The following KCNU1 variants were observed in gnomAD, a reference collection of about 807,000 sequenced individuals.
KCNU1 encodes potassium channel subfamily U member 1.
Under a neutral mutation model 126.8 loss-of-function variants are expected in KCNU1, and 93 were observed. The observed-to-expected ratio is 0.73, with a 90% CI of 0.62 to 0.87. The LOEUF (loss-of-function observed/expected upper bound fraction) is 0.87, where lower values mean the gene tolerates loss of function less well. Among genes scored for constraint, KCNU1 ranks in the 40% least tolerant of loss-of-function variants. KCNU1 has a pLI of 0.00. For missense variants in KCNU1, 1,330 were observed against 1,367.1 expected (o/e 0.97, Z 0.43); for synonymous variants, 523 against 494.2 (o/e 1.06, Z -0.77).
chr8:36,811,753 G>A (rs555405753), intron 7 of KCNU1, among the ~76,000 whole-genome samples: 12 of 152,056 alleles, frequency 7.9e-5, no homozygotes, highest in East Asian at 1.9e-4. Flanking sequence ...CCAACATGGC[G>A]AAACCTCATC....
intron 16 of KCNU1, among the ~76,000 whole-genome samples, chr8:36,844,230 A>T (rs1319929064): frequency 6.6e-6 from 1 of 152,102 alleles, no homozygotes; most frequent in Non-Finnish European, 1.5e-5. Context: ...AATACAAAAA[A>T]TTAGCTATGC....
At chr8:36,833,528 T>G in intron 10 of KCNU1, 26 bp from the exon 11 acceptor site, 2 of 1,399,080 alleles carry the variant, frequency 1.4e-6, no homozygotes. Context: ...TTTTCCCTCA[T>G]TGCTGCCACG....
chr8:36,809,059 T>C (rs1223466781), intron 7 of KCNU1, among the ~76,000 whole-genome samples: 1 of 152,040 alleles, frequency 6.6e-6, no homozygotes, highest in Non-Finnish European at 1.5e-5. Flanking sequence ...GTATCAGCAA[T>C]AGGTAAAATG....
At chr8:36,862,157 A>T (rs552085977) in intron 18 of KCNU1, among the ~76,000 whole-genome samples, 1 of 152,294 alleles carries the variant, frequency 6.6e-6, no homozygotes, top group East Asian at 1.9e-4. Flanking sequence ...AATAGATTTA[A>T]AATAGTTAGC....
At chr8:36,869,233 G>C (rs1437741347) in intron 19 of KCNU1, among the ~76,000 whole-genome samples, 1 of 152,158 alleles carries the variant, frequency 6.6e-6, no homozygotes, top group African/African-American at 2.4e-5. Flanking sequence ...AAACAAGGCA[G>C]AAATTTCCAA....
At chr8:36,835,041 T>A (rs1804695960) in intron 12 of KCNU1, among the ~76,000 whole-genome samples, 173 bp downstream of exon 12, 1 of 152,200 alleles carries the variant, frequency 6.6e-6, no homozygotes, top group Admixed American at 6.6e-5. Flanking sequence ...TGCAGATGGA[T>A]GCAAAAGGAT....
At chr8:36,857,400 G>C (rs546936653) in intron 18 of KCNU1, among the ~76,000 whole-genome samples, 156 of 152,254 alleles carry the variant, frequency 1.0e-3, no homozygotes, top group Middle Eastern at 6.8e-3. Flanking sequence ...CCCTCACAGG[G>C]ACATAGCACA....
intron 2 of KCNU1, among the ~76,000 whole-genome samples, chr8:36,803,247 A>C (rs1295528397): frequency 6.6e-6 from 1 of 152,224 alleles, no homozygotes; most frequent in Non-Finnish European, 1.5e-5. Context: ...AAATAAAGAG[A>C]AGATTTAATC....
chr8:36,806,306 A>C lies in KCNU1; in HGVS notation c.506A>C (p.Glu169Ala). 4 of 1,611,376 alleles carry C rather than the reference A, an allele frequency of 2.5e-6. No homozygotes were observed. Among genetic ancestry groups the C allele is most frequent in the Non-Finnish European group, 3.4e-6 (4 of 1,178,698 alleles). Reference protein sequence around the residue: ...AADDKIKFWLEMNSIVDIFTI... With the variant: ...AADDKIKFWLAMNSIVDIFTI... ...GATGACAAGATCAAGTTCTGGCTGG[A>C]GATGAATTCAATCGTAGACATCTTT... Residue 169 changes from glutamate to alanine, a missense_variant, in exon 5 of 27, where the codon GAG (glutamate) becomes GCG (alanine). Physicochemically the swap from Glu to Ala is moderately radical, Grantham distance 107. Coordinates refer to ENST00000399881, the MANE Select transcript of KCNU1 (RefSeq NM_001031836.3).
chr8:36,829,684 G>A (rs976833010), intron 10 of KCNU1, among the ~76,000 whole-genome samples: 2 of 150,750 alleles, frequency 1.3e-5, no homozygotes, highest in South Asian at 4.2e-4. Flanking sequence ...AATTTAATGC[G>A]AATCTAATTG....
intron 19 of KCNU1, among the ~76,000 whole-genome samples, chr8:36,881,060 T>C (rs1442638041): frequency 6.6e-6 from 1 of 151,994 alleles, no homozygotes; most frequent in African/African-American, 2.4e-5. Context: ...AGGAACATGG[T>C]GCTCCAAGAC....
intron 19 of KCNU1, among the ~76,000 whole-genome samples, chr8:36,874,613 T>C (rs1306755649): frequency 3.3e-5 from 5 of 152,166 alleles, no homozygotes; most frequent in African/African-American, 4.8e-5. Flanking sequence ...TTTGGGGCTC[T>C]GTGGGTTAGG....
chr8:36,852,605 G>T (rs1805389200), intron 18 of KCNU1, among the ~76,000 whole-genome samples: 1 of 151,954 alleles, frequency 6.6e-6, no homozygotes, highest in African/African-American at 2.4e-5. Flanking sequence ...CTACCAATTT[G>T]TTCATTTAAT....
intron 2 of KCNU1, among the ~76,000 whole-genome samples, chr8:36,788,566 T>C (rs1802794504): frequency 6.6e-6 from 1 of 152,236 alleles, no homozygotes; most frequent in African/African-American, 2.4e-5. Flanking sequence ...ACATGGCTCT[T>C]TTCCAGTTAC....
chr8:36,932,073 A>G (rs7386222), intron 25 of KCNU1, among the ~76,000 whole-genome samples: 88,028 of 151,932 alleles, frequency 0.58, 25,585 homozygotes, highest in Middle Eastern at 0.62. Flanking sequence ...CAAAACCCCC[A>G]GGTAGAACAG....
chr8:36,897,521 C>T (rs1320758580), intron 19 of KCNU1, among the ~76,000 whole-genome samples: 1 of 152,044 alleles, frequency 6.6e-6, no homozygotes, highest in Admixed American at 6.6e-5. Context: ...ATCAGGAAAG[C>T]TGAGGAATTA....
At chr8:36,874,874 G>A (rs370180619) in intron 19 of KCNU1, among the ~76,000 whole-genome samples, 92 of 151,834 alleles carry the variant, frequency 6.1e-4, no homozygotes, top group African/African-American at 2.1e-3. Context: ...CTCCTTGAAC[G>A]TCCCTTTCCC....
At chr8:36,920,527 A>C (rs890852409) in intron 23 of KCNU1, among the ~76,000 whole-genome samples, 6 of 149,616 alleles carry the variant, frequency 4.0e-5, no homozygotes, top group African/African-American at 1.5e-4. Flanking sequence ...CTAACAACCT[A>C]CCTGCCAGCT....
chr8:36,787,944 G>T (rs954669413), intron 2 of KCNU1, among the ~76,000 whole-genome samples: 2 of 150,696 alleles, frequency 1.3e-5, no homozygotes, highest in Non-Finnish European at 3.0e-5. Flanking sequence ...TAGGAAGAAA[G>T]CTTTGTTAGG....
Sources: allele counts gnomAD v4.1 joint callset (sites outside exome capture counted in the v4.1 genomes callset), GRCh38; gene constraint gnomAD v4.1.1; transcripts MANE v1.5; gene names NCBI Gene and HGNC (gene_info 2026-07-23, HGNC 2026-07-21).